CNOT4: variants seen among roughly 807,000 people sequenced by gnomAD.
CNOT4 encodes CCR4-NOT transcription complex subunit 4, also known as CCR4-associated factor 4.
Under a neutral mutation model 73.8 loss-of-function variants are expected in CNOT4, and 8 were observed. The ratio of observed to expected loss-of-function variants is 0.11; its 90% CI spans 0.06 to 0.20. The LOEUF is 0.20. CNOT4 is among the 10% of genes least tolerant of loss of function. CNOT4 has a pLI of 1.00. For missense variants in CNOT4, 564 were observed against 883.4 expected, an observed-to-expected ratio of 0.64 and a Z score of 4.58; for synonymous variants, 293 against 321.1, an observed-to-expected ratio of 0.91 and a Z score of 0.94.
In CNOT4 at chr7:135,453,826, T is replaced by TATATATATATA. The variant is rs1800335679; in HGVS notation, c.-92-15404_-92-15403insTATATATATAT. Among the ~76,000 whole-genome samples, 14 of 89,904 alleles carry TATATATATATA rather than the reference T, an allele frequency of 1.6e-4. No homozygotes were observed. The East Asian group carries it at 1.7e-3, about 11-fold the overall frequency. The allele number at this position is 89,904 out of a possible 152,430, so 59.0% of individuals were successfully genotyped here. A position where few individuals can be genotyped will look rare whatever the true frequency, so the allele number is the denominator to read the frequency against. On this transcript the variant is annotated intron_variant, in intron 1 of 11. Transcript: ENST00000541284. ...AATATATATAATAAATATATATATT[T>TATATATATATA]TATATATATATATATATATATTATA...
chr7:135,501,021 T>C (rs935658812), intron 1 of CNOT4, among the ~76,000 whole-genome samples: 1 of 150,854 alleles, frequency 6.6e-6, no homozygotes, highest in Non-Finnish European at 1.5e-5. Flanking sequence ...TTTCATTCTG[T>C]AGCCCAGGCT....
chr7:135,432,128 T>C (rs1798886484), intron 2 of CNOT4, among the ~76,000 whole-genome samples: 1 of 152,190 alleles, frequency 6.6e-6, no homozygotes, highest in Admixed American at 6.5e-5. Context: ...AAAGACAGTA[T>C]GGTATGAGCA....
At chr7:135,489,651 C>G (rs1802973863) in intron 1 of CNOT4, among the ~76,000 whole-genome samples, 1 of 152,076 alleles carries the variant, frequency 6.6e-6, no homozygotes, top group Non-Finnish European at 1.5e-5. Flanking sequence ...CCGCCTTAAC[C>G]TCCAAAAGTG....
intron 1 of CNOT4, chr7:135,444,527 G>T (rs1799697153): frequency 1.8e-6 from 2 of 1,141,966 alleles, no homozygotes; most frequent in Admixed American, 1.7e-5. Flanking sequence ...GAACGCCAGT[G>T]GTCAGACCTG....
At chr7:135,386,241 G>A (rs371362867) in intron 10 of CNOT4, 3 of 150,942 alleles carry the variant, frequency 2.0e-5, no homozygotes, top group East Asian at 3.9e-4. Context: ...GAAAAAAATG[G>A]ACATATGTAC....
chr7:135,424,790 AAAACAAAC>A (rs546726997), intron 2 of CNOT4, among the ~76,000 whole-genome samples: 128 of 152,108 alleles, frequency 8.4e-4, no homozygotes, highest in African/African-American at 2.9e-3. Flanking sequence ...CTCCTTCTCA[AAAACAAAC>A]AAACAAACAA....
intron 7 of CNOT4, among the ~76,000 whole-genome samples, chr7:135,407,716 G>C (rs962543620): frequency 1.2e-4 from 18 of 152,112 alleles, no homozygotes; most frequent in Admixed American, 2.6e-4. Context: ...GTAGAGGCAG[G>C]GGTCTTGCTT....
At chr7:135,451,896 T>C (rs1041361530) in intron 1 of CNOT4, among the ~76,000 whole-genome samples, 6 of 152,212 alleles carry the variant, frequency 3.9e-5, no homozygotes, top group African/African-American at 1.2e-4. Context: ...ACCATAGACA[T>C]GTGCAAGTAT....
chr7:135,485,629 C>G (rs985379553), intron 1 of CNOT4, among the ~76,000 whole-genome samples: 2 of 151,892 alleles, frequency 1.3e-5, no homozygotes, highest in African/African-American at 2.4e-5. Context: ...CAATGATGCA[C>G]AAGCAATTCA....
At chr7:135,405,872 T>G (rs1017019540) in intron 7 of CNOT4, among the ~76,000 whole-genome samples, 2 of 152,158 alleles carry the variant, frequency 1.3e-5, no homozygotes, top group Non-Finnish European at 2.9e-5. Context: ...AGAGCCTCAA[T>G]CTATAAGGTT....
intron 7 of CNOT4, among the ~76,000 whole-genome samples, chr7:135,400,178 G>C (rs529345327): frequency 6.6e-6 from 1 of 152,114 alleles, no homozygotes; most frequent in Non-Finnish European, 1.5e-5. Flanking sequence ...TCAAAATGTC[G>C]GAGACAGTGT....
At chr7:135,378,185 T>C (rs1293761450) in intron 10 of CNOT4, among the ~76,000 whole-genome samples, 1 of 152,236 alleles carries the variant, frequency 6.6e-6, no homozygotes, top group Admixed American at 6.5e-5. Context: ...CAATGATTTC[T>C]GTTTAAATGT....
chr7:135,486,827 A>C (rs993176816), intron 1 of CNOT4, among the ~76,000 whole-genome samples: 4 of 152,222 alleles, frequency 2.6e-5, no homozygotes, highest in Non-Finnish European at 5.9e-5. Context: ...AAACAAAACA[A>C]AACACTTTTT....
intron 7 of CNOT4, among the ~76,000 whole-genome samples, chr7:135,405,668 T>A (rs982849642): frequency 3.3e-5 from 5 of 152,210 alleles, no homozygotes; most frequent in African/African-American, 1.2e-4. Context: ...GGGGAGCAGA[T>A]GACAAATTCC....
At chr7:135,474,919 T>C (rs767486348) in intron 1 of CNOT4, among the ~76,000 whole-genome samples, 2 of 152,152 alleles carry the variant, frequency 1.3e-5, no homozygotes, top group Non-Finnish European at 2.9e-5. Flanking sequence ...TCTGATCTAG[T>C]AAGTTCATGT....
At chr7:135,451,801 T>C (rs2129485896) in intron 1 of CNOT4, among the ~76,000 whole-genome samples, 1 of 152,350 alleles carries the variant, frequency 6.6e-6, no homozygotes, top group East Asian at 1.9e-4. Context: ...TAATAGCAAT[T>C]AATTTTTAAA....
At chr7:135,394,637 A>G (rs1435847743) in intron 9 of CNOT4, among the ~76,000 whole-genome samples, 1 of 152,222 alleles carries the variant, frequency 6.6e-6, no homozygotes, top group Non-Finnish European at 1.5e-5. Context: ...ACTGAATGAT[A>G]TAGACTGATT....
intron 10 of CNOT4, among the ~76,000 whole-genome samples, chr7:135,374,895 T>G (rs939178562): frequency 3.9e-5 from 6 of 152,164 alleles, no homozygotes; most frequent in Admixed American, 3.9e-4. Context: ...GTGGTTTTAC[T>G]TAAATAGGCT....
intron 1 of CNOT4, among the ~76,000 whole-genome samples, chr7:135,476,470 A>C (rs1802000951): frequency 6.6e-6 from 1 of 152,248 alleles, no homozygotes; most frequent in South Asian, 2.1e-4. Flanking sequence ...ATGGTAAGTT[A>C]TTTAAATAAA....
Sources: allele counts gnomAD v4.1 joint callset (sites outside exome capture counted in the v4.1 genomes callset), GRCh38; gene constraint gnomAD v4.1.1; transcripts MANE v1.5; gene names NCBI Gene and HGNC (gene_info 2026-07-23, HGNC 2026-07-21).